Variants in CCDC170 observed in about 807,000 individuals in gnomAD.
The protein encoded by CCDC170 is coiled-coil domain-containing protein 170.
A neutral mutation model predicts 72.6 loss-of-function variants in CCDC170; 69 were observed. The ratio of observed to expected loss-of-function variants is 0.95; its 90% CI spans 0.78 to 1.16. The LOEUF (loss-of-function observed/expected upper bound fraction) is 1.16, where lower values mean the gene tolerates loss of function less well. CCDC170 is among the 50% of genes most tolerant of loss of function. The pLI, the probability that CCDC170 is intolerant of heterozygous loss-of-function variation, is 0.00. For synonymous variants in CCDC170, 300 were observed against 303.9 expected (o/e 0.99, Z 0.13); for missense variants, 852 against 832.5 (o/e 1.02, Z -0.29).
At chr6:151,617,116 C>A (rs1157469665) in intron 10 of CCDC170, among the ~76,000 whole-genome samples, 1 of 152,130 alleles carries the variant, frequency 6.6e-6, no homozygotes, top group Non-Finnish European at 1.5e-5. Context: ...TTGGATCATC[C>A]CTTTTCTAAA....
At chr6:151,614,643 T>G (rs955601017) in intron 9 of CCDC170, among the ~76,000 whole-genome samples, 8 of 151,558 alleles carry the variant, frequency 5.3e-5, no homozygotes, top group East Asian at 3.9e-4. Context: ...TTTTTTTTTT[T>G]TTTGTTAGTA....
intron 1 of CCDC170, among the ~76,000 whole-genome samples, chr6:151,524,458 C>G (rs182289523): frequency 1.3e-5 from 2 of 152,280 alleles, no homozygotes; most frequent in Non-Finnish European, 2.9e-5. Flanking sequence ...ATGGAATTCA[C>G]AAACAGTTTT....
intron 1 of CCDC170, among the ~76,000 whole-genome samples, chr6:151,504,833 C>T (rs746130801): frequency 6.6e-5 from 10 of 150,944 alleles, no homozygotes; most frequent in African/African-American, 2.2e-4. Context: ...TGAAGTAAAC[C>T]GGTGAGAATG....
At chr6:151,559,241 G>T (rs188583820) in intron 5 of CCDC170, among the ~76,000 whole-genome samples, 3 of 151,856 alleles carry the variant, frequency 2.0e-5, no homozygotes. Flanking sequence ...TGAACTCCTG[G>T]CCTCAAGTGA....
chr6:151,587,109 C>A (rs146003152), intron 7 of CCDC170, among the ~76,000 whole-genome samples: 1 of 151,894 alleles, frequency 6.6e-6, no homozygotes, highest in Non-Finnish European at 1.5e-5. Flanking sequence ...AGAAAGATAG[C>A]GTGATGTCCC....
At chr6:151,566,417 A>C (rs1026170783) in intron 5 of CCDC170, among the ~76,000 whole-genome samples, 4 of 152,142 alleles carry the variant, frequency 2.6e-5, no homozygotes, top group Non-Finnish European at 5.9e-5. Flanking sequence ...GGGGAAGAAT[A>C]CTTTTTTCCT....
chr6:151,531,099 T>C (rs1782484876), intron 1 of CCDC170, among the ~76,000 whole-genome samples: 1 of 152,226 alleles, frequency 6.6e-6, no homozygotes, highest in Admixed American at 6.5e-5. Context: ...AAGTCGGCTA[T>C]GGCTTTCATG....
At chr6:151,506,925 G>A (rs544017630) in intron 1 of CCDC170, among the ~76,000 whole-genome samples, 18 of 152,062 alleles carry the variant, frequency 1.2e-4, no homozygotes, top group African/African-American at 3.9e-4. Context: ...TGGGTCTCGG[G>A]GCTGCTGGCC....
intron 1 of CCDC170, among the ~76,000 whole-genome samples, chr6:151,535,469 A>G (rs570236982): frequency 2.0e-5 from 3 of 152,346 alleles, no homozygotes; most frequent in African/African-American, 7.2e-5. Context: ...TTATGAGGTT[A>G]TGAGACTGAG....
At chr6:151,562,748 T>G (rs1375970332) in intron 5 of CCDC170, among the ~76,000 whole-genome samples, 1 of 152,142 alleles carries the variant, frequency 6.6e-6, no homozygotes. Context: ...AAATGGTGCT[T>G]AAGAGTAAGA....
At chr6:151,602,952 C>A (rs1562296989) in intron 9 of CCDC170, among the ~76,000 whole-genome samples, 1 of 152,128 alleles carries the variant, frequency 6.6e-6, no homozygotes. Context: ...AGGCGTGTGC[C>A]ACCATGCCCG....
At chr6:151,528,092 A>C (rs781331564) in intron 1 of CCDC170, among the ~76,000 whole-genome samples, 1 of 152,214 alleles carries the variant, frequency 6.6e-6, no homozygotes, top group Non-Finnish European at 1.5e-5. Flanking sequence ...AGACAATTTC[A>C]ATCATTATCA....
chr6:151,613,128 A>G (rs1280649406), intron 9 of CCDC170, among the ~76,000 whole-genome samples: 1 of 152,184 alleles, frequency 6.6e-6, no homozygotes, highest in Non-Finnish European at 1.5e-5. Context: ...AAAGTGTACA[A>G]TTTAGGCTGG....
intron 6 of CCDC170, among the ~76,000 whole-genome samples, chr6:151,584,114 C>T (rs1489019913): frequency 1.3e-5 from 2 of 152,180 alleles, no homozygotes. Flanking sequence ...TAGACTTGCT[C>T]AATGCAGGGT....
At chr6:151,605,557 T>A (rs1471633067) in intron 9 of CCDC170, among the ~76,000 whole-genome samples, 1 of 152,188 alleles carries the variant, frequency 6.6e-6, no homozygotes. Flanking sequence ...TTTCTGTGGG[T>A]TGAGGCAGAA....
chr6:151,527,050 A>ATTTTTTTTTTTTTT (rs56941290), intron 1 of CCDC170, among the ~76,000 whole-genome samples: 40 of 69,680 alleles, frequency 5.7e-4, no homozygotes, highest in East Asian at 8.7e-4. Context: ...ATGCTTAGCT[A>ATTTTTTTTTTTTTT]TTTTTTTTTT....
At chr6:151,566,670 G>A (rs372415643) in intron 5 of CCDC170, among the ~76,000 whole-genome samples, 1 of 152,126 alleles carries the variant, frequency 6.6e-6, no homozygotes, top group African/African-American at 2.4e-5. Flanking sequence ...ATTCTTCTTT[G>A]TGTGTAGGAG....
rs183237726 is a variant in CCDC170 at position 151,592,355 on chromosome 6, G to A, written c.1294-752G>A. Among the ~76,000 whole-genome samples, 48 of 152,088 alleles carry A rather than the reference G, an allele frequency of 3.2e-4. No individual in the cohort carries two copies. The East Asian group carries it at 8.7e-3, about 28-fold the overall frequency. ...AGCCTGGGTGACAGAGGAAGACTCT[G>A]TCTCAAAATAAATAAATAAATAAAC... On this transcript the variant is annotated intron_variant, in intron 7 of 10. Coordinates refer to ENST00000239374, the MANE Select transcript of CCDC170 (RefSeq NM_025059.4).
intron 8 of CCDC170, 148 bp downstream of exon 8, chr6:151,593,428 A>G (rs1464730085): frequency 8.1e-6 from 7 of 859,462 alleles, no homozygotes; most frequent in Non-Finnish European, 1.2e-5. Flanking sequence ...GCTCAATTTC[A>G]AGTCTGAAGA....
Sources: gnomAD v4.1 joint callset for allele counts (sites outside exome capture counted in the v4.1 genomes callset) on GRCh38, gnomAD v4.1.1 for gene constraint, MANE v1.5 for transcripts, NCBI Gene and HGNC (gene_info 2026-07-23, HGNC 2026-07-21) for gene names.